The following YWHAZ variants were observed in gnomAD, a reference collection of about 807,000 sequenced individuals.
YWHAZ encodes tyrosine 3-monooxygenase/tryptophan 5-monooxygenase activation protein zeta, also known as 14-3-3 protein zeta/delta.
For synonymous variants in YWHAZ, 87 were observed against 103.6 expected (o/e 0.84, Z 0.97); for missense variants, 79 against 284.8 (o/e 0.28, Z 5.20).
intron 2 of YWHAZ, among the ~76,000 whole-genome samples, chr8:100,928,527 T>A (rs1353860555): frequency 2.0e-4 from 30 of 151,614 alleles, no homozygotes. Flanking sequence ...AGGTCAGGAG[T>A]TCGAGACCAG....
At chr8:100,950,493 C>G (rs1334736675) in intron 1 of YWHAZ, 2 of 985,608 alleles carry the variant, frequency 2.0e-6, no homozygotes, top group East Asian at 2.3e-4. Context: ...ATCGCAACCA[C>G]CCCCCTCCAG....
At chr8:100,934,152 C>CTT (rs34699406) in intron 2 of YWHAZ, among the ~76,000 whole-genome samples, 76,425 of 115,404 alleles carry the variant, frequency 0.66, 25,416 homozygotes, top group African/African-American at 0.78. Context: ...AAGCTAGACT[C>CTT]GTCTCAAAAA....
intron 2 of YWHAZ, among the ~76,000 whole-genome samples, chr8:100,946,350 C>T (rs911815031): frequency 2.6e-5 from 4 of 152,126 alleles, no homozygotes; most frequent in African/African-American, 9.7e-5. Context: ...GTGACCTGGT[C>T]ACCAGCCTGG....
Position 100,917,890 on chromosome 8 carries a change from G to C in YWHAZ, c.*2803C>G, listed in dbSNP as rs1812769246. The C allele has an allele frequency of 6.6e-6, 1 of 152,056 alleles. No homozygotes were observed. Among genetic ancestry groups the C allele is most frequent in the East Asian group, 1.9e-4 (1 of 5,190 alleles). 9.4% of individuals were successfully genotyped at this position (152,056 alleles called of 1,614,324 possible). A position where few individuals can be genotyped will look rare whatever the true frequency, so the allele number is the denominator to read the frequency against. On this transcript the variant is annotated 3_prime_UTR_variant, in exon 6 of 6. Coordinates refer to ENST00000395958, the MANE Select transcript of YWHAZ (RefSeq NM_145690.3). ...TCAAATTCCAAAACAAAGAATCTCA[G>C]GTTGGAAATTTTCCTTAATCTATTG...
chr8:100,934,602 G>A (rs998137288), intron 2 of YWHAZ, among the ~76,000 whole-genome samples: 10 of 152,206 alleles, frequency 6.6e-5, no homozygotes, highest in Non-Finnish European at 1.5e-4. Flanking sequence ...TCAGGAGACT[G>A]AGACAGAAGA....
intron 1 of YWHAZ, chr8:100,951,196 A>C: frequency 1.0e-6 from 1 of 982,958 alleles, no homozygotes; most frequent in Non-Finnish European, 1.2e-6. Context: ...CCCGCAGTGG[A>C]CTCCCCTCCC....
intron 2 of YWHAZ, among the ~76,000 whole-genome samples, chr8:100,931,531 C>A (rs761726037): frequency 6.6e-6 from 1 of 152,150 alleles, no homozygotes; most frequent in Non-Finnish European, 1.5e-5. Flanking sequence ...TGATGTAATG[C>A]AAATCGTATA....
At chr8:100,946,359 G>A (rs1810267729) in intron 2 of YWHAZ, among the ~76,000 whole-genome samples, 1 of 152,294 alleles carries the variant, frequency 6.6e-6, no homozygotes, top group South Asian at 2.1e-4. Flanking sequence ...TCACCAGCCT[G>A]GCCGACAAGG....
chr8:100,930,699 C>T (rs528353456), intron 2 of YWHAZ, among the ~76,000 whole-genome samples: 2 of 152,260 alleles, frequency 1.3e-5, no homozygotes, highest in East Asian at 3.9e-4. Context: ...AGGTCTTGCT[C>T]TGTCACACAG....
At chr8:100,923,604 A>G (rs1365810752) in intron 5 of YWHAZ, 1 of 165,106 alleles carries the variant, frequency 6.1e-6, no homozygotes, top group Non-Finnish European at 1.3e-5. Context: ...AACTCAAGTT[A>G]TTAATTCCCT....
chr8:100,920,791 G>T (rs1475991086), intron 5 of YWHAZ, 39 bp from the exon 6 acceptor site: 4 of 1,021,372 alleles, frequency 3.9e-6, no homozygotes, highest in Non-Finnish European at 5.6e-6. Flanking sequence ...AAGTTTCAGT[G>T]GGATGGGGGG....
intron 2 of YWHAZ, among the ~76,000 whole-genome samples, chr8:100,943,283 A>G (rs922531621): frequency 6.6e-6 from 1 of 152,254 alleles, no homozygotes; most frequent in Non-Finnish European, 1.5e-5. Flanking sequence ...TATGGGAACT[A>G]GAATGAAATC....
chr8:100,947,065 A>G (rs971837962), intron 2 of YWHAZ, among the ~76,000 whole-genome samples: 1 of 151,714 alleles, frequency 6.6e-6, no homozygotes, highest in African/African-American at 2.4e-5. Flanking sequence ...CATCCTGGCT[A>G]ACATGGTGAA....
Position 100,920,521 on chromosome 8 carries a change from C to G in YWHAZ, c.*172G>C, listed in dbSNP as rs1252673354. 3.1e-6 allele frequency: 2 copies of G among 647,548 alleles called. No individual in the cohort carries two copies. Among genetic ancestry groups the G allele is most frequent in the Non-Finnish European group, 2.6e-6 (1 of 378,210 alleles). The allele number at this position is 647,548 out of a possible 1,614,324, so 40.1% of individuals were successfully genotyped here. A position where few individuals can be genotyped will look rare whatever the true frequency, so the allele number is the denominator to read the frequency against. On this transcript the variant is annotated 3_prime_UTR_variant, in exon 6 of 6. Transcript: ENST00000395958. ...ATAACTCCCTAAATGTTAACTGGCT[C>G]TACTCCCCTAATATTAAACATAAAA...
intron 2 of YWHAZ, among the ~76,000 whole-genome samples, chr8:100,933,094 C>G (rs1813872692): frequency 6.6e-6 from 1 of 152,148 alleles, no homozygotes; most frequent in African/African-American, 2.4e-5. Context: ...GGCGCAGTGG[C>G]TCACACCTGT....
intron 2 of YWHAZ, among the ~76,000 whole-genome samples, chr8:100,942,069 G>A (rs1390547300): frequency 2.0e-5 from 3 of 152,046 alleles, no homozygotes; most frequent in Non-Finnish European, 1.5e-5. Flanking sequence ...TTTTATTTGG[G>A]GAAGGAAGGC....
At chr8:100,938,955 A>G (rs554420621) in intron 2 of YWHAZ, among the ~76,000 whole-genome samples, 1 of 152,364 alleles carries the variant, frequency 6.6e-6, no homozygotes, top group South Asian at 2.1e-4. Context: ...AGCTGTGAAC[A>G]TATGTTCTAT....
chr8:100,948,166 T>C lies in YWHAZ; in HGVS notation c.294+430A>G. ...CTCATTACATTAACATTATAGCGGCTAATCCTGAGAAGAGTACTATTTCTA... is the reference window on the plus strand; with the variant it reads ...CTCATTACATTAACATTATAGCGGCCAATCCTGAGAAGAGTACTATTTCTA... On this transcript the variant is annotated intron_variant, in intron 2 of 5. Coordinates refer to ENST00000395958, the MANE Select transcript of YWHAZ (RefSeq NM_145690.3). The surrounding 1 kb of genome is among the most constrained non-coding windows in gnomAD (Gnocchi z 4.2). 6.5e-7 allele frequency: 1 copy of C among 1,530,026 alleles called. No individual in the cohort carries two copies. Among genetic ancestry groups the C allele is most frequent in the South Asian group, 1.2e-5 (1 of 83,084 alleles). 94.8% of individuals were successfully genotyped at this position (1,530,026 alleles called of 1,614,324 possible).
intron 2 of YWHAZ, among the ~76,000 whole-genome samples, chr8:100,943,981 C>A (rs552644966): frequency 8.3e-6 from 1 of 121,172 alleles, no homozygotes. Flanking sequence ...AGCAAGACTC[C>A]GTCTCAAAAA....
Sources: gnomAD v4.1 joint callset for allele counts (sites outside exome capture counted in the v4.1 genomes callset) on GRCh38, gnomAD v4.1.1 for gene constraint, Gnocchi (gnomAD v3.1) non-coding constraint, MANE v1.5 for transcripts, NCBI Gene and HGNC (gene_info 2026-07-23, HGNC 2026-07-21) for gene names.